The following PCDHGA2 variants were observed in gnomAD, a reference collection of about 807,000 sequenced individuals.
The protein encoded by PCDHGA2 is protocadherin gamma-A2.
A neutral mutation model predicts 59.2 loss-of-function variants in PCDHGA2; 40 were observed. The observed-to-expected ratio is 0.68, with a 90% CI of 0.52 to 0.88. The LOEUF (loss-of-function observed/expected upper bound fraction) is 0.88, where lower values mean the gene tolerates loss of function less well. Among genes scored for constraint, PCDHGA2 ranks in the 40% least tolerant of loss-of-function variants. PCDHGA2 has a pLI of 0.00. For synonymous variants in PCDHGA2, 560 were observed against 526.0 expected (o/e 1.06, Z -0.89); for missense variants, 1,226 against 1,204.0 (o/e 1.02, Z -0.27).
chr5:141,391,882 A>C (rs2092435224), intron 1 of PCDHGA2: 1 of 152,226 alleles, frequency 6.6e-6, no homozygotes, highest in Middle Eastern at 3.2e-3. Flanking sequence ...CTTTGGTGAA[A>C]GGGATGGGAT....
chr5:141,349,702 C>T (rs1758341031), intron 1 of PCDHGA2, among the ~76,000 whole-genome samples: 1 of 151,206 alleles, frequency 6.6e-6, no homozygotes, highest in African/African-American at 2.4e-5. Context: ...GTATTTTAGT[C>T]AACTAAAAAT....
At position 141,491,640 on chromosome 5, in the gene PCDHGA2, T is replaced by A; in HGVS notation, c.2425-3167T>A. 6.2e-7 allele frequency: 1 copy of A among 1,613,804 alleles called. No homozygotes were observed. Among genetic ancestry groups the A allele is most frequent in the South Asian group, 1.1e-5 (1 of 91,086 alleles). On this transcript the variant is annotated intron_variant, in intron 1 of 3. Coordinates refer to ENST00000394576, the MANE Select transcript of PCDHGA2 (RefSeq NM_018915.4). This position sits in a 1 kb window ranked among gnomAD's most constrained non-coding sequence, Gnocchi z 6.9. ...CCCTCAGCGTTCAGCAGCCCACAGC[T>A]CTGGCGCTGGAGCCTGACGCCATCC...
rs1297266733 is a variant in PCDHGA2 at position 141,366,482 on chromosome 5, C to T, written c.2424+25087C>T. 5 of 1,614,124 alleles carry T rather than the reference C, an allele frequency of 3.1e-6. No homozygotes were observed. In the African/African-American group the frequency reaches 6.7e-5, roughly 22 times the overall value. On this transcript the variant is annotated intron_variant, in intron 1 of 3. Coordinates refer to ENST00000394576, the MANE Select transcript of PCDHGA2 (RefSeq NM_018915.4). ...CGTGCTGCTGGTGCTCAGACTGAGG[C>T]GCTGGCACAAGTCACGCCTGCTTCA...
At chr5:141,404,488 T>A in intron 1 of PCDHGA2, 1 of 1,613,536 alleles carries the variant, frequency 6.2e-7, no homozygotes, top group Non-Finnish European at 8.5e-7. Context: ...CAGACACTGG[T>A]GTGCTGTATG....
At chr5:141,357,171 C>A (rs1043830490) in intron 1 of PCDHGA2, 1 of 1,613,704 alleles carries the variant, frequency 6.2e-7, no homozygotes. Context: ...TCTCGGCCAC[C>A]GTCACACTCA....
chr5:141,398,661 C>A, intron 1 of PCDHGA2: 1 of 1,614,018 alleles, frequency 6.2e-7, no homozygotes, highest in Non-Finnish European at 8.5e-7. Context: ...ACCCAAGTTT[C>A]TCATTAATAA....
chr5:141,398,985 A>C, intron 1 of PCDHGA2: 2 of 1,613,964 alleles, frequency 1.2e-6, no homozygotes, highest in Non-Finnish European at 1.7e-6. Context: ...GAACCGGGCA[A>C]ATCTTTAGTC....
chr5:141,404,081 G>A (rs1436868245), intron 1 of PCDHGA2: 10 of 1,613,302 alleles, frequency 6.2e-6, no homozygotes, highest in South Asian at 2.2e-5. Context: ...CCGAGACTCC[G>A]GGAAGAATGG....
chr5:141,470,147 T>A (rs1394329530), intron 1 of PCDHGA2, among the ~76,000 whole-genome samples: 1 of 152,172 alleles, frequency 6.6e-6, no homozygotes. Context: ...AGATCATAGA[T>A]CATCTTATCA....
rs755090005 is a variant in PCDHGA2, at chr5:141,388,852, G to A, written c.2424+47457G>A. 1.9e-5 allele frequency: 31 copies of A among 1,613,990 alleles called. 1 individual carries two copies. The South Asian group carries it at 3.0e-4, about 15-fold the overall frequency. On this transcript the variant is annotated intron_variant, in intron 1 of 3. Coordinates refer to ENST00000394576, the MANE Select transcript of PCDHGA2 (RefSeq NM_018915.4). ...ATAGTTTTGGAAGCAAGGGACGGTG[G>A]AGGAATGATTGCGCAATGCACAGTG...
intron 1 of PCDHGA2, among the ~76,000 whole-genome samples, chr5:141,386,628 C>A (rs529516653): frequency 2.0e-5 from 3 of 151,780 alleles, no homozygotes; most frequent in Non-Finnish European, 4.4e-5. Flanking sequence ...CTCGCTCTGT[C>A]ACCCAGGCTG....
Position 141,477,161 on chromosome 5 carries a change from G to A in PCDHGA2, c.2425-17646G>A, listed in dbSNP as rs761453939. On this transcript the variant is annotated intron_variant, in intron 1 of 3. Transcript: ENST00000394576. The surrounding 1 kb of genome is among the most constrained non-coding windows in gnomAD (Gnocchi z 4.9). ...GGAGGTTGTGGATGTGAATGACAAC[G>A]CCCCGGAGATCACAGTCACCTCCGT... 1.9e-6 allele frequency: 3 copies of A among 1,613,988 alleles called. No individual in the cohort carries two copies. The highest frequency in any genetic ancestry group is 2.7e-5 in the African/African-American group (2 of 74,904).
rs1554116873 is a variant in PCDHGA2 at position 141,423,758 on chromosome 5, G to GT, written c.2425-71049_2425-71048insT. On this transcript the variant is annotated intron_variant, in intron 1 of 3. Coordinates refer to ENST00000394576, the MANE Select transcript of PCDHGA2 (RefSeq NM_018915.4). Reference sequence around the variant, plus strand: ...CTGTTATGAAAACTGTTTGGGGGGGGGGTGGGGCGGCATATATTTAGTTCA... The same window carrying GT: ...CTGTTATGAAAACTGTTTGGGGGGGGTGGTGGGGCGGCATATATTTAGTTCA... 14 of 366,842 alleles carry GT rather than the reference G, an allele frequency of 3.8e-5. 1 individual carries two copies. The highest frequency in any genetic ancestry group is 5.4e-5 in the Non-Finnish European group (14 of 259,742). The allele number at this position is 366,842 out of a possible 1,614,324, so 22.7% of individuals were successfully genotyped here. A position where few individuals can be genotyped will look rare whatever the true frequency, so the allele number is the denominator to read the frequency against.
chr5:141,355,827 C>T, intron 1 of PCDHGA2: 1 of 1,612,834 alleles, frequency 6.2e-7, no homozygotes, highest in Non-Finnish European at 8.5e-7. Context: ...CGGTTCACCA[C>T]CTCGTTCTCA....
intron 1 of PCDHGA2, chr5:141,356,234 C>A: frequency 1.9e-6 from 3 of 1,587,274 alleles, no homozygotes; most frequent in South Asian, 1.1e-5. Context: ...GACAACGCAC[C>A]AGAAGTCACA....
Position 141,489,322 on chromosome 5 carries a change from T to C in PCDHGA2, c.2425-5485T>C. The C allele has an allele frequency of 6.2e-7, 1 of 1,601,052 alleles. No individual in the cohort carries two copies. Among genetic ancestry groups the C allele is most frequent in the Non-Finnish European group, 8.5e-7 (1 of 1,172,658 alleles). ...GTCCTTGTGCTGCTGGGGCTGGGTGTCTGGGCAGCTTCGTTACTCAGTGGT... is the reference window on the plus strand; with the variant it reads ...GTCCTTGTGCTGCTGGGGCTGGGTGCCTGGGCAGCTTCGTTACTCAGTGGT... On this transcript the variant is annotated intron_variant, in intron 1 of 3. Coordinates refer to ENST00000394576, the MANE Select transcript of PCDHGA2 (RefSeq NM_018915.4). The surrounding 1 kb of genome is among the most constrained non-coding windows in gnomAD (Gnocchi z 4.5).
At chr5:141,351,400 C>G (rs377527142) in intron 1 of PCDHGA2, 1 of 1,611,298 alleles carries the variant, frequency 6.2e-7, no homozygotes, top group African/African-American at 1.3e-5. Flanking sequence ...TGGTGACATG[C>G]TATACTCAGG....
chr5:141,422,344 C>G, intron 1 of PCDHGA2: 1 of 1,550,890 alleles, frequency 6.4e-7, no homozygotes, highest in Non-Finnish European at 8.7e-7. Flanking sequence ...TCTAAATGTG[C>G]AAGATCAAGA....
chr5:141,344,944 TA>T, intron 1 of PCDHGA2: 2 of 1,613,856 alleles, frequency 1.2e-6, no homozygotes, highest in East Asian at 2.2e-5. Context: ...GTATCAATAT[TA>T]AAAAGTCTAG....
Sources: gnomAD v4.1 joint callset for allele counts (sites outside exome capture counted in the v4.1 genomes callset) on GRCh38, gnomAD v4.1.1 for gene constraint, Gnocchi (gnomAD v3.1) non-coding constraint, MANE v1.5 for transcripts, NCBI Gene and HGNC (gene_info 2026-07-23, HGNC 2026-07-21) for gene names.